Variants in OPCML observed in about 807,000 individuals in gnomAD.
OPCML encodes opioid binding protein/cell adhesion molecule like, also known as opioid-binding protein/cell adhesion molecule.
In OPCML, 13 loss-of-function variants were observed where a neutral mutation model predicts 37.8. The ratio of observed to expected loss-of-function variants is 0.34; its 90% CI spans 0.22 to 0.55. The LOEUF (loss-of-function observed/expected upper bound fraction) is 0.55. Among genes scored for constraint, OPCML ranks in the 20% least tolerant of loss-of-function variants. OPCML has a pLI of 0.91. For missense variants in OPCML, 341 were observed against 435.6 expected (o/e 0.78, Z 1.93); for synonymous variants, 176 against 168.8 (o/e 1.04, Z -0.33).
intron 4 of OPCML, among the ~76,000 whole-genome samples, chr11:132,470,544 G>A (rs2096134737): frequency 6.6e-6 from 1 of 152,186 alleles, no homozygotes; most frequent in Non-Finnish European, 1.5e-5. Flanking sequence ...GATTTGACAC[G>A]TATGTGAGCA....
At chr11:132,703,954 A>C (rs1276187364) in intron 2 of OPCML, among the ~76,000 whole-genome samples, 1 of 152,190 alleles carries the variant, frequency 6.6e-6, no homozygotes, top group East Asian at 1.9e-4. Context: ...CCACGGAAGT[A>C]GACCTGGTGG....
intron 1 of OPCML, among the ~76,000 whole-genome samples, chr11:133,055,226 T>C (rs1948209129): frequency 6.9e-6 from 1 of 145,522 alleles, no homozygotes; most frequent in South Asian, 2.2e-4. Context: ...GAGCCACCTC[T>C]ACCATATAAT....
At chr11:133,231,472 T>G (rs1940273047) in intron 1 of OPCML, among the ~76,000 whole-genome samples, 1 of 152,116 alleles carries the variant, frequency 6.6e-6, no homozygotes, top group South Asian at 2.1e-4. Context: ...AGATGTCACG[T>G]CTTGTTGGAA....
intron 1 of OPCML, among the ~76,000 whole-genome samples, chr11:133,251,297 T>C (rs897557643): frequency 2.0e-5 from 3 of 152,056 alleles, no homozygotes; most frequent in Non-Finnish European, 2.9e-5. Flanking sequence ...AAGGATTATA[T>C]GGCAGGACTG....
chr11:133,433,679 C>G (rs1307513431), intron 1 of OPCML, among the ~76,000 whole-genome samples: 1 of 152,202 alleles, frequency 6.6e-6, no homozygotes, highest in African/African-American at 2.4e-5. Flanking sequence ...CAAGAAGCCT[C>G]TCTTGCCCCT....
intron 2 of OPCML, among the ~76,000 whole-genome samples, chr11:132,852,875 C>A (rs1006156985): frequency 2.0e-5 from 3 of 148,460 alleles, no homozygotes; most frequent in African/African-American, 5.0e-5. Context: ...GAACTGAGAT[C>A]TTTTATTGAA....
chr11:132,843,677 G>A (rs1941396775), intron 2 of OPCML, among the ~76,000 whole-genome samples: 1 of 152,072 alleles, frequency 6.6e-6, no homozygotes, highest in Non-Finnish European at 1.5e-5. Context: ...AAGTACATCA[G>A]TCTTTATAAA....
chr11:132,772,625 A>C (rs1169221428), intron 2 of OPCML: 1 of 152,496 alleles, frequency 6.6e-6, no homozygotes, highest in East Asian at 1.9e-4. Context: ...TGGAGGGCTC[A>C]GTGGGCTAAC....
chr11:132,701,780 G>T (rs1415352695), intron 2 of OPCML, among the ~76,000 whole-genome samples: 1 of 143,530 alleles, frequency 7.0e-6, no homozygotes, highest in East Asian at 1.9e-4. Flanking sequence ...GTGTGTGTGT[G>T]TGTGTGTGTG....
chr11:132,926,454 T>C (rs1944996374), intron 2 of OPCML, among the ~76,000 whole-genome samples: 1 of 152,002 alleles, frequency 6.6e-6, no homozygotes, highest in Admixed American at 6.6e-5. Flanking sequence ...CTTTGAGAAA[T>C]TGAGACATTT....
chr11:132,936,324 G>A (rs1433355630), intron 2 of OPCML, among the ~76,000 whole-genome samples: 1 of 152,156 alleles, frequency 6.6e-6, no homozygotes, highest in Non-Finnish European at 1.5e-5. Flanking sequence ...AGGTCTTCTA[G>A]GAGCAAATGC....
At chr11:133,054,898 T>C (rs879212330) in intron 1 of OPCML, among the ~76,000 whole-genome samples, 27 of 140,416 alleles carry the variant, frequency 1.9e-4, no homozygotes, top group East Asian at 8.6e-4. Context: ...GTGGTGAGAC[T>C]CCATGAGGGA....
At chr11:132,437,778 A>T (rs756934478) in intron 4 of OPCML, among the ~76,000 whole-genome samples, 8 of 152,220 alleles carry the variant, frequency 5.3e-5, no homozygotes, top group Non-Finnish European at 1.0e-4. Context: ...AGCACATCTT[A>T]ATTTTTCATT....
At chr11:133,483,779 T>G (rs1947445076) in intron 1 of OPCML, among the ~76,000 whole-genome samples, 1 of 106,120 alleles carries the variant, frequency 9.4e-6, no homozygotes, top group Non-Finnish European at 1.8e-5. Flanking sequence ...GATTTATAGA[T>G]GGATAGATAC....
rs192065563 is a variant in OPCML at position 132,518,134 on chromosome 11, A to G, written c.505+10927T>C. 1.0e-3 allele frequency among the ~76,000 whole-genome samples: 157 copies of G among 152,336 alleles called. 1 individual carries two copies. The highest frequency in any genetic ancestry group is 1.8e-4 in the Non-Finnish European group (12 of 68,026). On this transcript the variant is annotated intron_variant, in intron 4 of 7. Coordinates refer to ENST00000524381, the MANE Select transcript of OPCML (RefSeq NM_001012393.5). ...ATGCAGCCTTGTTAGATAGGTATAC[A>G]TGTGCCATAGTTGTTTGCTGCGCCT...
intron 1 of OPCML, chr11:133,422,972 A>C (rs1306546320): frequency 4.9e-5 from 48 of 985,294 alleles, no homozygotes; most frequent in Non-Finnish European, 5.5e-5. Context: ...TCATATAATG[A>C]GACAGTGTGT....
intron 1 of OPCML, among the ~76,000 whole-genome samples, chr11:133,496,629 A>G (rs914815930): frequency 6.6e-6 from 1 of 152,104 alleles, no homozygotes; most frequent in Non-Finnish European, 1.5e-5. Context: ...TTTGTTAGGT[A>G]TATTCCTAAG....
intron 1 of OPCML, among the ~76,000 whole-genome samples, chr11:133,516,290 C>T (rs1456032239): frequency 6.6e-6 from 1 of 152,222 alleles, no homozygotes; most frequent in East Asian, 1.9e-4. Flanking sequence ...GATATCTCCA[C>T]TGCGTTCTGT....
chr11:132,474,879 TGGCCACCTG>T, intron 4 of OPCML, among the ~76,000 whole-genome samples: 1 of 152,344 alleles, frequency 6.6e-6, no homozygotes, highest in East Asian at 1.9e-4. Flanking sequence ...CTCAACTGTG[TGGCCACCTG>T]ATGAAAGGCA....
Sources: gnomAD v4.1 joint callset for allele counts (sites outside exome capture counted in the v4.1 genomes callset) on GRCh38, gnomAD v4.1.1 for gene constraint, MANE v1.5 for transcripts, NCBI Gene and HGNC (gene_info 2026-07-23, HGNC 2026-07-21) for gene names.